Variants in ARHGAP32 observed in about 807,000 individuals in gnomAD.
ARHGAP32 encodes Rho GTPase activating protein 32.
In ARHGAP32, 51 loss-of-function variants were observed where a neutral mutation model predicts 186.5. The ratio of observed to expected loss-of-function variants is 0.27; its 90% CI spans 0.22 to 0.35. The LOEUF is 0.35. Ranked by LOEUF, ARHGAP32 falls within the 10% of genes least tolerant of loss-of-function variation. The pLI is 1.00. For synonymous variants in ARHGAP32, 950 were observed against 964.3 expected, an observed-to-expected ratio of 0.99 and a Z score of 0.27; for missense variants, 2,186 against 2,623.5, an observed-to-expected ratio of 0.83 and a Z score of 3.64.
chr11:129,059,933 G>A (rs1470183281), intron 10 of ARHGAP32, among the ~76,000 whole-genome samples: 2 of 152,248 alleles, frequency 1.3e-5, no homozygotes, highest in East Asian at 3.9e-4. Context: ...GCCTTTCTAA[G>A]ACCAATCAAG....
chr11:129,120,142 C>T (rs1942481761), intron 5 of ARHGAP32, among the ~76,000 whole-genome samples: 1 of 152,058 alleles, frequency 6.6e-6, no homozygotes, highest in South Asian at 2.1e-4. Flanking sequence ...AGCAGAGAAG[C>T]AGGTGGGCAT....
chr11:129,269,225 C>G (rs534167706), intron 1 of ARHGAP32, among the ~76,000 whole-genome samples: 1 of 152,056 alleles, frequency 6.6e-6, no homozygotes, highest in Non-Finnish European at 1.5e-5. Flanking sequence ...GAGCTGAGAT[C>G]GCACCACTGC....
At chr11:129,113,393 T>C (rs1449473049) in intron 5 of ARHGAP32, among the ~76,000 whole-genome samples, 2 of 152,196 alleles carry the variant, frequency 1.3e-5, no homozygotes, top group African/African-American at 4.8e-5. Context: ...ACCTTTATGT[T>C]TGTTTACATT....
chr11:129,187,184 T>C (rs1257536929), intron 1 of ARHGAP32, among the ~76,000 whole-genome samples: 2 of 152,178 alleles, frequency 1.3e-5, no homozygotes, highest in African/African-American at 4.8e-5. Flanking sequence ...TATTCAGTCA[T>C]AAAAAATAAT....
intron 5 of ARHGAP32, among the ~76,000 whole-genome samples, chr11:129,110,964 T>C (rs991220331): frequency 1.3e-5 from 2 of 152,206 alleles, no homozygotes; most frequent in African/African-American, 4.8e-5. Flanking sequence ...CAATACTACG[T>C]TGAACAGGAG....
At chr11:128,994,933 C>G (rs1591513088) in intron 12 of ARHGAP32, among the ~76,000 whole-genome samples, 1 of 152,086 alleles carries the variant, frequency 6.6e-6, no homozygotes, top group Non-Finnish European at 1.5e-5. Flanking sequence ...ATTTCAATTA[C>G]ACTTTAAGGT....
At chr11:129,226,278 A>G (rs1944780981) in intron 1 of ARHGAP32, among the ~76,000 whole-genome samples, 2 of 152,192 alleles carry the variant, frequency 1.3e-5, no homozygotes. Flanking sequence ...TAAAATCTGT[A>G]TATCCAAAAC....
At chr11:129,237,774 T>C (rs956940520) in intron 1 of ARHGAP32, among the ~76,000 whole-genome samples, 4 of 152,026 alleles carry the variant, frequency 2.6e-5, no homozygotes, top group African/African-American at 7.2e-5. Context: ...ACCCCTGAAA[T>C]GAGGAGCTAC....
chr11:129,013,629 A>G (rs1336920228), intron 11 of ARHGAP32, among the ~76,000 whole-genome samples: 1 of 152,194 alleles, frequency 6.6e-6, no homozygotes, highest in African/African-American at 2.4e-5. Flanking sequence ...TGCCTTGGAG[A>G]TTTAAATAAA....
chr11:129,162,961 T>C (rs921853481), intron 2 of ARHGAP32, among the ~76,000 whole-genome samples: 3 of 152,184 alleles, frequency 2.0e-5, no homozygotes, highest in Non-Finnish European at 2.9e-5. Flanking sequence ...CAGTAGGGTT[T>C]TTCAGATCAC....
intron 1 of ARHGAP32, among the ~76,000 whole-genome samples, chr11:129,182,763 TC>T (rs1276470176): frequency 1.3e-4 from 19 of 151,672 alleles, no homozygotes; most frequent in Non-Finnish European, 2.1e-4. Context: ...CCCACTTCAG[TC>T]TCCTGAGTAC....
intron 1 of ARHGAP32, among the ~76,000 whole-genome samples, chr11:129,271,699 G>A (rs956583891): frequency 3.9e-5 from 6 of 152,148 alleles, no homozygotes; most frequent in Non-Finnish European, 7.3e-5. Context: ...CAAGGAGTGG[G>A]AAAGTAGAGA....
At chr11:129,208,073 A>G (rs2135587050) in intron 1 of ARHGAP32, among the ~76,000 whole-genome samples, 1 of 152,258 alleles carries the variant, frequency 6.6e-6, no homozygotes. Flanking sequence ...TGCCACTCTG[A>G]TTCATTCCTA....
chr11:129,228,936 T>C (rs1048594056), intron 1 of ARHGAP32, among the ~76,000 whole-genome samples: 2 of 152,226 alleles, frequency 1.3e-5, no homozygotes, highest in Non-Finnish European at 2.9e-5. Context: ...TTTTATTAAA[T>C]AGTCACAACC....
chr11:129,266,867 C>T (rs1945407492), intron 1 of ARHGAP32, among the ~76,000 whole-genome samples: 1 of 152,170 alleles, frequency 6.6e-6, no homozygotes, highest in South Asian at 2.1e-4. Flanking sequence ...AATCTCCCAC[C>T]TCTTCCAGGG....
In ARHGAP32 at chr11:128,969,081, G is replaced by C. The variant is rs1349401316; in HGVS notation, c.6132C>G (p.His2044Gln). The C allele has an allele frequency of 6.2e-6, 10 of 1,609,734 alleles. No homozygotes were observed. The highest frequency in any genetic ancestry group is 7.6e-6 in the Non-Finnish European group (9 of 1,177,206). Residue 2044 changes from histidine (H) to glutamine (Q), a missense_variant, in exon 23 of 23, where the codon CAC (histidine) becomes CAG (glutamine). Physicochemically the swap from His to Gln is conservative, Grantham distance 24. Around this residue, in one of 5 missense-constraint regions of ARHGAP32, gnomAD observed 1,502 missense variants for 1,570.0 expected, o/e 0.96. Transcript: ENST00000682385. This position sits in a 1 kb window ranked among gnomAD's most constrained non-coding sequence, Gnocchi z 4.8. ...CTCCTCGCTGGTGCTGAGGCAGGGA[G>C]TGGTAATCTTCCAGGTTATCATACT... The part of the protein sequence containing the change: ...VSQYDNLEDY[H>Q]SLPQHQRGVF...
intron 1 of ARHGAP32, among the ~76,000 whole-genome samples, chr11:129,266,676 T>C (rs757784379): frequency 7.2e-5 from 11 of 152,196 alleles, no homozygotes; most frequent in Non-Finnish European, 1.5e-5. Flanking sequence ...TTTACTTGCA[T>C]AGAACAGTAC....
chr11:129,150,233 A>G (rs1943260252), intron 2 of ARHGAP32, among the ~76,000 whole-genome samples: 1 of 152,068 alleles, frequency 6.6e-6, no homozygotes, highest in Admixed American at 6.5e-5. Flanking sequence ...TCTAAAGTTT[A>G]GAAAACTTAT....
At chr11:129,030,062 T>C (rs1336769976) in intron 11 of ARHGAP32, among the ~76,000 whole-genome samples, 2 of 152,174 alleles carry the variant, frequency 1.3e-5, no homozygotes, top group Non-Finnish European at 2.9e-5. Flanking sequence ...CAAGGCACTT[T>C]AGCATTTTAG....
Sources: gnomAD v4.1 joint callset for allele counts (sites outside exome capture counted in the v4.1 genomes callset) on GRCh38, gnomAD v4.1.1 for gene constraint, gnomAD v4.1.1 regional missense constraint, Gnocchi (gnomAD v3.1) non-coding constraint, MANE v1.5 for transcripts, NCBI Gene and HGNC (gene_info 2026-07-23, HGNC 2026-07-21) for gene names.